FRMD4A: variants seen among roughly 807,000 people sequenced by gnomAD.
FRMD4A encodes FERM domain-containing protein 4A.
In FRMD4A, 29 loss-of-function variants were observed where a neutral mutation model predicts 129.1. The ratio of observed to expected loss-of-function variants is 0.22; its 90% CI spans 0.17 to 0.31. FRMD4A has a LOEUF of 0.31. FRMD4A is among the 10% of genes least tolerant of loss of function. FRMD4A has a pLI of 1.00. For missense variants in FRMD4A, 1,272 were observed against 1,375.8 expected, an observed-to-expected ratio of 0.92 and a Z score of 1.19; for synonymous variants, 634 against 571.6, an observed-to-expected ratio of 1.11 and a Z score of -1.56.
At chr10:14,082,196 G>C (rs1008439456) in intron 2 of FRMD4A, among the ~76,000 whole-genome samples, 9 of 152,174 alleles carry the variant, frequency 5.9e-5, no homozygotes, top group African/African-American at 2.2e-4. Flanking sequence ...GCAGTGAGCC[G>C]AGATTGCACC....
intron 2 of FRMD4A, among the ~76,000 whole-genome samples, chr10:14,077,223 A>G (rs1588921393): frequency 6.6e-6 from 1 of 152,222 alleles, no homozygotes; most frequent in Non-Finnish European, 1.5e-5. Context: ...AAGACAAAAA[A>G]TATGCATTAT....
chr10:13,833,984 G>A (rs979618433), intron 3 of FRMD4A, among the ~76,000 whole-genome samples: 7 of 152,086 alleles, frequency 4.6e-5, no homozygotes, highest in Admixed American at 6.5e-5. Context: ...CAGGCCAGGC[G>A]CAGTGGCTCA....
chr10:13,837,655 C>T (rs571699203), intron 3 of FRMD4A, among the ~76,000 whole-genome samples: 48 of 152,304 alleles, frequency 3.2e-4, no homozygotes, highest in African/African-American at 1.2e-3. Context: ...TTGTGGGCAC[C>T]AGTATGTTCA....
intron 2 of FRMD4A, among the ~76,000 whole-genome samples, chr10:13,895,509 T>C (rs2094747615): frequency 6.6e-6 from 1 of 152,166 alleles, no homozygotes; most frequent in South Asian, 2.1e-4. Flanking sequence ...TGGCACAAGA[T>C]CTCTTTACCC....
At chr10:14,241,971 C>A (rs1038379676) in intron 2 of FRMD4A, among the ~76,000 whole-genome samples, 6 of 152,024 alleles carry the variant, frequency 3.9e-5, no homozygotes, top group Non-Finnish European at 8.8e-5. Context: ...TAACACTGAG[C>A]TCAGGAGTAG....
At position 14,237,434 on chromosome 10, in the gene FRMD4A, G is replaced by C. The variant is rs1478285661; in HGVS notation, c.45+92624C>G. ...TAACCTCTGCCTCCCAGGTTCAAGT[G>C]ATTCTCCTGCCTCAGTCTCCTGAGT... On this transcript the variant is annotated intron_variant, in intron 2 of 24. Coordinates refer to ENST00000357447, the MANE Select transcript of FRMD4A (RefSeq NM_018027.5). Among the ~76,000 whole-genome samples, 2 of 152,076 alleles carry C rather than the reference G, an allele frequency of 1.3e-5. 1 individual carries two copies. Among genetic ancestry groups the C allele is most frequent in the South Asian group, 4.1e-4 (2 of 4,820 alleles).
At chr10:14,026,155 G>C (rs908707828) in intron 2 of FRMD4A, among the ~76,000 whole-genome samples, 7 of 152,082 alleles carry the variant, frequency 4.6e-5, no homozygotes, top group Non-Finnish European at 7.4e-5. Context: ...GAGATCGAGA[G>C]GGAAATATAA....
intron 2 of FRMD4A, among the ~76,000 whole-genome samples, chr10:14,249,124 C>CT (rs1844344630): frequency 1.3e-5 from 2 of 151,990 alleles, no homozygotes; most frequent in Admixed American, 1.3e-4. Flanking sequence ...GCTGAGGCGG[C>CT]TGGATCACCT....
chr10:14,023,902 C>T (rs1318437545), intron 2 of FRMD4A, among the ~76,000 whole-genome samples: 1 of 152,030 alleles, frequency 6.6e-6, no homozygotes, highest in Non-Finnish European at 1.5e-5. Flanking sequence ...ATTCTGGGGA[C>T]AGTGAAGTTC....
chr10:13,797,530 C>A (rs1294664943), intron 4 of FRMD4A, among the ~76,000 whole-genome samples: 1 of 152,148 alleles, frequency 6.6e-6, no homozygotes, highest in Non-Finnish European at 1.5e-5. Context: ...AGGGAGAGCC[C>A]TGGGGGCCAT....
At chr10:13,970,716 C>CTGAGAGG (rs1565137887) in intron 2 of FRMD4A, among the ~76,000 whole-genome samples, 1 of 152,208 alleles carries the variant, frequency 6.6e-6, no homozygotes, top group African/African-American at 2.4e-5. Flanking sequence ...CCCCACTCCC[C>CTGAGAGG]ACGCAATCTG....
intron 2 of FRMD4A, among the ~76,000 whole-genome samples, chr10:13,991,188 T>C (rs2095601978): frequency 6.6e-6 from 1 of 152,088 alleles, no homozygotes; most frequent in African/African-American, 2.4e-5. Flanking sequence ...TTCAGCTGAG[T>C]ACACTGACAG....
intron 2 of FRMD4A, among the ~76,000 whole-genome samples, chr10:14,181,776 G>A (rs771753628): frequency 2.0e-5 from 3 of 151,922 alleles, no homozygotes; most frequent in South Asian, 2.1e-4. Flanking sequence ...CTGCAACCTC[G>A]GCTTCCTAAG....
At chr10:13,936,832 T>A (rs2131299821) in intron 2 of FRMD4A, among the ~76,000 whole-genome samples, 1 of 152,334 alleles carries the variant, frequency 6.6e-6, no homozygotes, top group African/African-American at 2.4e-5. Context: ...AGATTCTATA[T>A]TCTACATTGA....
intron 2 of FRMD4A, among the ~76,000 whole-genome samples, chr10:14,199,339 A>G (rs111816791): frequency 6.7e-6 from 1 of 149,156 alleles, no homozygotes; most frequent in African/African-American, 2.5e-5. Flanking sequence ...ATGTTTTGAG[A>G]CAGAGTCTTA....
chr10:14,160,924 T>TAA (rs1164142056), intron 2 of FRMD4A, among the ~76,000 whole-genome samples: 2 of 152,150 alleles, frequency 1.3e-5, no homozygotes, highest in African/African-American at 4.8e-5. Flanking sequence ...GAACGTAGAT[T>TAA]AGTACAGCCA....
At chr10:13,966,275 G>A (rs1296439796) in intron 2 of FRMD4A, among the ~76,000 whole-genome samples, 4 of 152,036 alleles carry the variant, frequency 2.6e-5, no homozygotes. Flanking sequence ...TGCCTGTCTT[G>A]GCCTCCCAAA....
chr10:13,851,674 G>A (rs2094141435), intron 3 of FRMD4A, among the ~76,000 whole-genome samples: 1 of 152,018 alleles, frequency 6.6e-6, no homozygotes, highest in Non-Finnish European at 1.5e-5. Context: ...GGCCGAGGCG[G>A]GTGGATCATG....
At chr10:13,747,453 C>T (rs935355660) in intron 9 of FRMD4A, among the ~76,000 whole-genome samples, 1 of 150,390 alleles carries the variant, frequency 6.6e-6, no homozygotes. Context: ...AGGAGAATCG[C>T]TTGAGGCAGA....
Sources: allele counts gnomAD v4.1 joint callset (sites outside exome capture counted in the v4.1 genomes callset), GRCh38; gene constraint gnomAD v4.1.1; transcripts MANE v1.5; gene names NCBI Gene and HGNC (gene_info 2026-07-23, HGNC 2026-07-21).